The following ADIPOR2 variants were observed in gnomAD, a reference collection of about 807,000 sequenced individuals.
The protein encoded by ADIPOR2 is adiponectin receptor 2, also known as adiponectin receptor protein 2.
Under a neutral mutation model 40.9 loss-of-function variants are expected in ADIPOR2, and 18 were observed. That is an observed-to-expected ratio of 0.44 (90% confidence interval 0.30 to 0.65). The LOEUF (loss-of-function observed/expected upper bound fraction) is 0.65, where lower values mean the gene tolerates loss of function less well. ADIPOR2 is among the 30% of genes least tolerant of loss of function. The pLI, the probability that ADIPOR2 is intolerant of heterozygous loss-of-function variation, is 0.09. For synonymous variants in ADIPOR2, 165 were observed against 166.4 expected, an observed-to-expected ratio of 0.99 and a Z score of 0.06; for missense variants, 283 against 479.2, an observed-to-expected ratio of 0.59 and a Z score of 3.82.
intron 5 of ADIPOR2, 87 bp downstream of exon 5, chr12:1,780,724 T>G (rs1334017752): frequency 7.1e-6 from 10 of 1,416,398 alleles, no homozygotes; most frequent in Non-Finnish European, 9.4e-6. Flanking sequence ...GCAGAATTCT[T>G]AATATCATCT....
At chr12:1,708,723 CTTT>C (rs1266225378) in intron 1 of ADIPOR2, among the ~76,000 whole-genome samples, 2 of 142,910 alleles carry the variant, frequency 1.4e-5, no homozygotes, top group African/African-American at 2.6e-5. Context: ...TATACCTATA[CTTT>C]TTTTTTTTTT....
chr12:1,749,153 C>T (rs917695028), intron 1 of ADIPOR2, among the ~76,000 whole-genome samples: 1 of 152,154 alleles, frequency 6.6e-6, no homozygotes, highest in African/African-American at 2.4e-5. Context: ...TGCAGGGCTA[C>T]GTATGGGGGA....
intron 1 of ADIPOR2, among the ~76,000 whole-genome samples, chr12:1,704,015 G>GT (rs772767475): frequency 0.11 from 5,855 of 54,048 alleles, 644 homozygotes; most frequent in African/African-American, 0.31. Flanking sequence ...GCCCCCACCA[G>GT]TTTTTTTTTT....
intron 1 of ADIPOR2, among the ~76,000 whole-genome samples, chr12:1,716,939 C>CT (rs1392055847): frequency 1.3e-5 from 2 of 152,172 alleles, no homozygotes; most frequent in Non-Finnish European, 2.9e-5. Context: ...GGAGAAAATG[C>CT]TTTAATTGAT....
chr12:1,751,750 G>A (rs1378118707), intron 1 of ADIPOR2, among the ~76,000 whole-genome samples: 2 of 151,804 alleles, frequency 1.3e-5, no homozygotes, highest in Non-Finnish European at 2.9e-5. Context: ...GAACTGCTGG[G>A]CTCAAGTGAT....
chr12:1,693,758 C>T (rs1015365172), intron 1 of ADIPOR2, among the ~76,000 whole-genome samples: 1 of 151,898 alleles, frequency 6.6e-6, no homozygotes, highest in African/African-American at 2.4e-5. Flanking sequence ...AGGCTGGTCT[C>T]GAACTCCTCA....
At position 1,694,542 on chromosome 12, in the gene ADIPOR2, GA is replaced by G. The variant is rs555049373; in HGVS notation, c.-87+3359del. On this transcript the variant is annotated intron_variant, in intron 1 of 7. Transcript: ENST00000357103. ...TGTATTGTTTGGGGAATAAAGACAA[GA>G]AAAAAAAGTCTGCATGTTTCAAATA... Among the ~76,000 whole-genome samples the G allele has an allele frequency of 9.9e-4, 151 of 151,964 alleles. 2 individuals carry two copies. In the East Asian group the frequency reaches 0.022, roughly 22 times the overall value.
chr12:1,734,329 T>C lies in ADIPOR2; in HGVS notation c.-86-19929T>C, dbSNP rs2094726219. On this transcript the variant is annotated intron_variant, in intron 1 of 7. Transcript: ENST00000357103. The stretch of plus-strand genomic sequence containing the variant: ...TAACTGGTGTGAGATGGTATCTCAT[T>C]GTGGTTTTGATTTGCATTTCTCTGA... Among the ~76,000 whole-genome samples the C allele has an allele frequency of 2.0e-5, 3 of 152,218 alleles. No homozygotes were observed. In the South Asian group the frequency reaches 6.2e-4, roughly 31 times the overall value.
chr12:1,757,233 A>G (rs748213642), intron 2 of ADIPOR2: 8 of 522,890 alleles, frequency 1.5e-5, no homozygotes, highest in Non-Finnish European at 2.4e-5. Context: ...GGACCATTTC[A>G]CCCACTGCTC....
chr12:1,756,537 A>G (rs1363822286), intron 2 of ADIPOR2, among the ~76,000 whole-genome samples: 1 of 151,548 alleles, frequency 6.6e-6, no homozygotes, highest in Non-Finnish European at 1.5e-5. Context: ...GAAATGAGAT[A>G]AGGTCAGTGG....
chr12:1,752,626 C>T (rs1037266187), intron 1 of ADIPOR2, among the ~76,000 whole-genome samples: 4 of 152,092 alleles, frequency 2.6e-5, no homozygotes, highest in Non-Finnish European at 5.9e-5. Flanking sequence ...CTCTTTGAAT[C>T]CTAATGACCT....
At chr12:1,732,516 C>T (rs1226040089) in intron 1 of ADIPOR2, among the ~76,000 whole-genome samples, 1 of 152,150 alleles carries the variant, frequency 6.6e-6, no homozygotes, top group Non-Finnish European at 1.5e-5. Flanking sequence ...GAATAGTACA[C>T]TGTTGTATGG....
intron 1 of ADIPOR2, among the ~76,000 whole-genome samples, chr12:1,746,635 A>G (rs2094755634): frequency 1.3e-5 from 2 of 152,220 alleles, no homozygotes; most frequent in South Asian, 4.1e-4. Context: ...GCAAATATTG[A>G]CCTCATTGAG....
rs1235026970 is a variant in ADIPOR2, at chr12:1,788,143, CTG to C, written c.*2072_*2073del. Reference sequence around the variant, plus strand: ...ACAACACCAACAGAAGTAGCAGCCTCTGGGTGCAGTCACCCACACCCCAAAGC... The same window carrying C: ...ACAACACCAACAGAAGTAGCAGCCTCGGTGCAGTCACCCACACCCCAAAGC... On this transcript the variant is annotated 3_prime_UTR_variant, in exon 8 of 8. Transcript: ENST00000357103. 3 of 152,826 alleles carry C rather than the reference CTG, an allele frequency of 2.0e-5. No homozygotes were observed. Among genetic ancestry groups the C allele is most frequent in the Non-Finnish European group, 2.9e-5 (2 of 68,174 alleles). The allele number at this position is 152,826 out of a possible 1,614,324, so 9.5% of individuals were successfully genotyped here.
At chr12:1,726,298 G>C (rs4766414) in intron 1 of ADIPOR2, among the ~76,000 whole-genome samples, 1 of 151,936 alleles carries the variant, frequency 6.6e-6, no homozygotes, top group Non-Finnish European at 1.5e-5. Flanking sequence ...CCTGGGTTCA[G>C]GGGATTCTCC....
intron 1 of ADIPOR2, among the ~76,000 whole-genome samples, chr12:1,733,483 T>G (rs1463681797): frequency 6.6e-6 from 1 of 152,184 alleles, no homozygotes; most frequent in African/African-American, 2.4e-5. Flanking sequence ...TCAGTACAAT[T>G]ATTGGATCAG....
chr12:1,691,146 T>C lies in ADIPOR2; in HGVS notation c.-132T>C. 1 of 153,550 alleles carries C rather than the reference T, an allele frequency of 6.5e-6. No individual in the cohort carries two copies. Among genetic ancestry groups the C allele is most frequent in the South Asian group, 1.7e-4 (1 of 6,022 alleles). The allele number at this position is 153,550 out of a possible 1,614,324, so 9.5% of individuals were successfully genotyped here. On this transcript the variant is annotated 5_prime_UTR_variant, in exon 1 of 8. Transcript: ENST00000357103. Reference sequence around the variant, plus strand: ...CCCTCCCTCCTCCGTTCCCCCCTCCTCCCCCCTCCCCTCAGCGGTGGCTCC... The same window carrying C: ...CCCTCCCTCCTCCGTTCCCCCCTCCCCCCCCCTCCCCTCAGCGGTGGCTCC...
At chr12:1,721,085 C>G (rs1317781270) in intron 1 of ADIPOR2, among the ~76,000 whole-genome samples, 4 of 152,094 alleles carry the variant, frequency 2.6e-5, no homozygotes, top group Admixed American at 2.0e-4. Context: ...TGATCGGTGT[C>G]TCAAGTCTCC....
intron 1 of ADIPOR2, among the ~76,000 whole-genome samples, chr12:1,695,188 A>G (rs547706844): frequency 6.6e-6 from 1 of 151,876 alleles, no homozygotes; most frequent in Middle Eastern, 3.4e-3. Flanking sequence ...GCCGAGAGTT[A>G]TTTTTTACAA....
Sources: allele counts gnomAD v4.1 joint callset (sites outside exome capture counted in the v4.1 genomes callset), GRCh38; gene constraint gnomAD v4.1.1; transcripts MANE v1.5; gene names NCBI Gene and HGNC (gene_info 2026-07-23, HGNC 2026-07-21).